The following DERA variants were observed in gnomAD, a reference collection of about 807,000 sequenced individuals.
The protein encoded by DERA is 2-deoxy-D-ribose 5-phosphate aldolase.
A neutral mutation model predicts 41.1 loss-of-function variants in DERA; 15 were observed. That is an observed-to-expected ratio of 0.37 (90% CI 0.24 to 0.56). The LOEUF (loss-of-function observed/expected upper bound fraction) is 0.56, where lower values mean the gene tolerates loss of function less well. DERA is among the 20% of genes least tolerant of loss of function. The pLI is 0.81. For missense variants in DERA, 396 were observed against 403.4 expected, an observed-to-expected ratio of 0.98 and a Z score of 0.16; for synonymous variants, 139 against 137.4, an observed-to-expected ratio of 1.01 and a Z score of -0.08.
In DERA at chr12:15,931,064, G is replaced by T. The variant is rs544417525; in HGVS notation, c.31+19650G>T. On this transcript the variant is annotated intron_variant, in intron 1 of 8. Coordinates refer to ENST00000428559, the MANE Select transcript of DERA (RefSeq NM_015954.4). This position sits in a 1 kb window ranked among gnomAD's most constrained non-coding sequence, Gnocchi z 4.6. ...ATTTAAATGAAATAGTTTTCAAATT[G>T]TTTTAAGTGTTTTCTATTATGGAGA... 2.1e-3 allele frequency among the ~76,000 whole-genome samples: 324 copies of T among 152,238 alleles called. No homozygotes were observed. The highest frequency in any genetic ancestry group is 7.3e-3 in the African/African-American group (305 of 41,544).
intron 2 of DERA, 68 bp from the exon 3 acceptor site, chr12:15,958,120 C>A: frequency 7.4e-7 from 1 of 1,356,622 alleles, no homozygotes; most frequent in Non-Finnish European, 9.9e-7. Flanking sequence ...TACTAACCAC[C>A]TGGGTTGGAG....
At position 16,012,081 on chromosome 12, in the gene DERA, G is replaced by T. The variant is rs1479691706; in HGVS notation, c.638-20461G>T. Among the ~76,000 whole-genome samples the T allele has an allele frequency of 2.0e-5, 3 of 152,212 alleles. No individual in the cohort carries two copies. The highest frequency in any genetic ancestry group is 3.8e-4 in the East Asian group (2 of 5,206). On this transcript the variant is annotated intron_variant, in intron 6 of 8. Coordinates refer to ENST00000428559, the MANE Select transcript of DERA (RefSeq NM_015954.4). This position sits in a 1 kb window ranked among gnomAD's most constrained non-coding sequence, Gnocchi z 4.1. ...GCAGAGTTTGGTAAAGAAAAGCCTT[G>T]TCTTGTACACTGCTGTGTATGCACT...
At position 15,998,491 on chromosome 12, in the gene DERA, A is replaced by T. The variant is rs2136171592; in HGVS notation, c.637+16055A>T. On this transcript the variant is annotated intron_variant, in intron 6 of 8. Coordinates refer to ENST00000428559, the MANE Select transcript of DERA (RefSeq NM_015954.4). The surrounding 1 kb of genome is among the most constrained non-coding windows in gnomAD (Gnocchi z 4.8). ...CACCACCATGCCCGGCTAATTTTCT[A>T]TTTTTAGTAGAGATGGGGTTTCTTC... Among the ~76,000 whole-genome samples, 1 of 151,864 alleles carries T rather than the reference A, an allele frequency of 6.6e-6. No homozygotes were observed. The highest frequency in any genetic ancestry group is 1.9e-4 in the East Asian group (1 of 5,142).
intron 6 of DERA, among the ~76,000 whole-genome samples, chr12:16,023,010 G>C (rs114378865): frequency 6.6e-6 from 1 of 152,086 alleles, no homozygotes; most frequent in Non-Finnish European, 1.5e-5. Context: ...GTCTTTTCCC[G>C]CTTGAGAGAA....
chr12:15,987,226 T>C (rs1484968154), intron 6 of DERA, among the ~76,000 whole-genome samples: 2 of 149,060 alleles, frequency 1.3e-5, no homozygotes, highest in African/African-American at 2.5e-5. Context: ...ACCATATATA[T>C]GTACTTTTTT....
chr12:16,025,812 C>G (rs1362580086), intron 6 of DERA, among the ~76,000 whole-genome samples: 2 of 152,048 alleles, frequency 1.3e-5, no homozygotes, highest in Non-Finnish European at 2.9e-5. Flanking sequence ...ATAAAACACA[C>G]CTTGACAGAT....
At chr12:15,916,381 G>A (rs762689573) in intron 1 of DERA, 3 of 151,162 alleles carry the variant, frequency 2.0e-5, no homozygotes, top group Non-Finnish European at 2.9e-5. Context: ...TTTGTAAAAC[G>A]TTACCTTTCA....
chr12:16,016,122 TTTAGTA>T (rs1471221850), intron 6 of DERA, among the ~76,000 whole-genome samples: 1 of 152,206 alleles, frequency 6.6e-6, no homozygotes, highest in Non-Finnish European at 1.5e-5. Context: ...AGTCTGCAGA[TTTAGTA>T]TTAGTATCAA....
chr12:16,016,633 C>G (rs1423760466), intron 6 of DERA, among the ~76,000 whole-genome samples: 1 of 151,182 alleles, frequency 6.6e-6, no homozygotes, highest in Non-Finnish European at 1.5e-5. Flanking sequence ...AACCCCATCT[C>G]TACAAAAAAA....
chr12:15,935,366 AGT>A lies in DERA; in HGVS notation c.32-21569_32-21568del. Among the ~76,000 whole-genome samples the A allele has an allele frequency of 6.6e-6, 1 of 152,150 alleles. No homozygotes were observed. Among genetic ancestry groups the A allele is most frequent in the East Asian group, 1.9e-4 (1 of 5,184 alleles). On this transcript the variant is annotated intron_variant, in intron 1 of 8. Coordinates refer to ENST00000428559, the MANE Select transcript of DERA (RefSeq NM_015954.4). The surrounding 1 kb of genome is among the most constrained non-coding windows in gnomAD (Gnocchi z 4.8). ...GCCAGGTGTGGTGGCATCCACCTGTAGTCCTACCTACTTGGGAGGCTGAGCTG... is the reference window on the plus strand; with the variant it reads ...GCCAGGTGTGGTGGCATCCACCTGTACCTACCTACTTGGGAGGCTGAGCTG...
chr12:15,988,969 AT>A lies in DERA; in HGVS notation c.637+6534del, dbSNP rs1948784203. Among the ~76,000 whole-genome samples the A allele has an allele frequency of 6.6e-6, 1 of 152,262 alleles. No individual in the cohort carries two copies. Among genetic ancestry groups the A allele is most frequent in the Non-Finnish European group, 1.5e-5 (1 of 68,040 alleles). On this transcript the variant is annotated intron_variant, in intron 6 of 8. Transcript: ENST00000428559. The surrounding 1 kb of genome is among the most constrained non-coding windows in gnomAD (Gnocchi z 6.0). ...GCACACTCAGCCAGATTGCGGCAGC[AT>A]CCAGGCTCAGCCACAGCTTTGCTCC...
intron 5 of DERA, among the ~76,000 whole-genome samples, chr12:15,974,866 T>C (rs1281364591): frequency 6.6e-6 from 1 of 152,198 alleles, no homozygotes; most frequent in African/African-American, 2.4e-5. Flanking sequence ...GATGTGGTAT[T>C]GAGGTCCTTC....
chr12:15,928,242 G>T lies in DERA; in HGVS notation c.31+16828G>T, dbSNP rs945502968. 6.6e-6 allele frequency among the ~76,000 whole-genome samples: 1 copy of T among 152,158 alleles called. No homozygotes were observed. Among genetic ancestry groups the T allele is most frequent in the East Asian group, 1.9e-4 (1 of 5,196 alleles). ...TCTCAAAGACTTACTTTTCTTGTAT[G>T]ACTGAAACTTTGTACCCTTTGACCA... On this transcript the variant is annotated intron_variant, in intron 1 of 8. Coordinates refer to ENST00000428559, the MANE Select transcript of DERA (RefSeq NM_015954.4). This position sits in a 1 kb window ranked among gnomAD's most constrained non-coding sequence, Gnocchi z 4.6.
chr12:15,975,481 T>C (rs561384401), intron 5 of DERA, among the ~76,000 whole-genome samples: 1 of 152,362 alleles, frequency 6.6e-6, no homozygotes, highest in African/African-American at 2.4e-5. Context: ...TGCATGACTC[T>C]TAAGCCGTAA....
In DERA at chr12:15,967,497, A is replaced by G. The variant is rs1259926966; in HGVS notation, c.508+4550A>G. On this transcript the variant is annotated intron_variant, in intron 5 of 8. Coordinates refer to ENST00000428559, the MANE Select transcript of DERA (RefSeq NM_015954.4). The surrounding 1 kb of genome is among the most constrained non-coding windows in gnomAD (Gnocchi z 4.9). ...TGACTTTCTTAACAATTTTTATTAA[A>G]TACAATTTAATTTTTTCTTGATTAT... 6.6e-6 allele frequency among the ~76,000 whole-genome samples: 1 copy of G among 152,220 alleles called. No individual in the cohort carries two copies. Among genetic ancestry groups the G allele is most frequent in the African/African-American group, 2.4e-5 (1 of 41,454 alleles).
intron 6 of DERA, among the ~76,000 whole-genome samples, chr12:16,007,695 G>A (rs1186236623): frequency 1.3e-5 from 2 of 152,058 alleles, no homozygotes; most frequent in African/African-American, 4.8e-5. Flanking sequence ...TGAAGGGCAG[G>A]CACATAGAAA....
Position 15,982,922 on chromosome 12 carries a change from C to T in DERA, c.637+486C>T, listed in dbSNP as rs1165493092. Among the ~76,000 whole-genome samples, 1 of 152,218 alleles carries T rather than the reference C, an allele frequency of 6.6e-6. No homozygotes were observed. The highest frequency in any genetic ancestry group is 1.5e-5 in the Non-Finnish European group (1 of 68,034). ...ATATAAGTTGACTTATTCTTTATCT[C>T]TGTGAACAGCAGGTCTATCCATTTA... On this transcript the variant is annotated intron_variant, in intron 6 of 8. Transcript: ENST00000428559. This position sits in a 1 kb window ranked among gnomAD's most constrained non-coding sequence, Gnocchi z 4.0.
intron 1 of DERA, among the ~76,000 whole-genome samples, chr12:15,949,955 G>A (rs1232938740): frequency 6.6e-6 from 1 of 151,962 alleles, no homozygotes; most frequent in Non-Finnish European, 1.5e-5. Flanking sequence ...ATATGATCTG[G>A]GCCTTGTCAC....
At position 15,922,536 on chromosome 12, in the gene DERA, A is replaced by G. The variant is rs913122468; in HGVS notation, c.31+11122A>G. Among the ~76,000 whole-genome samples the G allele has an allele frequency of 1.3e-5, 2 of 152,238 alleles. No individual in the cohort carries two copies. The highest frequency in any genetic ancestry group is 2.9e-5 in the Non-Finnish European group (2 of 68,040). On this transcript the variant is annotated intron_variant, in intron 1 of 8. Coordinates refer to ENST00000428559, the MANE Select transcript of DERA (RefSeq NM_015954.4). The surrounding 1 kb of genome is among the most constrained non-coding windows in gnomAD (Gnocchi z 4.9). Reference sequence around the variant, plus strand: ...TGTAGAGTCTAGAAAATAGGCATTGATGCTGATAATACTGAAGACCGTCTG... The same window carrying G: ...TGTAGAGTCTAGAAAATAGGCATTGGTGCTGATAATACTGAAGACCGTCTG...
Sources: allele counts gnomAD v4.1 joint callset (sites outside exome capture counted in the v4.1 genomes callset), GRCh38; gene constraint gnomAD v4.1.1; non-coding constraint Gnocchi (gnomAD v3.1); transcripts MANE v1.5; gene names NCBI Gene and HGNC (gene_info 2026-07-23, HGNC 2026-07-21).